DLC1: variants seen among roughly 807,000 people sequenced by gnomAD.
DLC1 encodes the protein DLC1 Rho GTPase activating protein, also known as rho GTPase-activating protein 7.
Under a neutral mutation model 140.3 loss-of-function variants are expected in DLC1, and 54 were observed. That is an observed-to-expected ratio of 0.38 (90% CI 0.31 to 0.48). The LOEUF is 0.48. Among genes scored for constraint, DLC1 ranks in the 20% least tolerant of loss-of-function variants. DLC1 has a pLI of 0.96. For missense variants in DLC1, 2,536 were observed against 1,907.0 expected, an observed-to-expected ratio of 1.33 and a Z score of -6.14; for synonymous variants, 986 against 728.1, an observed-to-expected ratio of 1.35 and a Z score of -5.70.
At chr8:13,227,070 A>G (rs1406667257) in intron 5 of DLC1, among the ~76,000 whole-genome samples, 1 of 152,098 alleles carries the variant, frequency 6.6e-6, no homozygotes. Context: ...CTGACCACTG[A>G]GCTTATTCTG....
chr8:13,128,696 T>G (rs758658908), intron 5 of DLC1, among the ~76,000 whole-genome samples: 47 of 152,154 alleles, frequency 3.1e-4, no homozygotes, highest in Non-Finnish European at 6.2e-4. Context: ...AGCTGGGCAT[T>G]GTGGCGGCGC....
At position 13,425,554 on chromosome 8, in the gene DLC1, T is replaced by C. The variant is rs1838533749; in HGVS notation, c.1024-23935A>G. ...AAATCCCTGGGAGGCAGAGAGACTG[T>C]ATTTGGCAGAAGGGGAGAGGGATGT... On this transcript the variant is annotated intron_variant, in intron 2 of 17. Coordinates refer to ENST00000276297, the MANE Select transcript of DLC1 (RefSeq NM_182643.3). Among the ~76,000 whole-genome samples the C allele has an allele frequency of 2.0e-5, 3 of 152,144 alleles. No homozygotes were observed. The South Asian group carries it at 6.2e-4, about 32-fold the overall frequency.
At chr8:13,186,581 C>T (rs536297271) in intron 5 of DLC1, among the ~76,000 whole-genome samples, 1 of 152,234 alleles carries the variant, frequency 6.6e-6, no homozygotes, top group South Asian at 2.1e-4. Flanking sequence ...AGTTTCCTTG[C>T]AATGGGTTTG....
Position 13,539,626 on chromosome 8 carries a change from C to A in DLC1, c.-125-39430G>T, listed in dbSNP as rs117031939. ...AGGAGCTTCTGTCCCTCACCAGCAA[C>A]TGATGTCAGGAGTTGCCCAGGGAAA... On this transcript the variant is annotated intron_variant, in intron 1 of 1. Transcript: ENST00000631382. Among the ~76,000 whole-genome samples, 115 of 152,230 alleles carry A rather than the reference C, an allele frequency of 7.6e-4. 1 individual carries two copies. In the East Asian group the frequency reaches 0.017, roughly 22 times the overall value.
intron 5 of DLC1, among the ~76,000 whole-genome samples, chr8:13,222,657 T>G (rs779188510): frequency 1.3e-4 from 20 of 152,168 alleles, no homozygotes; most frequent in Non-Finnish European, 7.3e-5. Context: ...CATGTGATAC[T>G]CCATCCTCTT....
intron 5 of DLC1, among the ~76,000 whole-genome samples, chr8:13,126,368 TACACACACACAC>T (rs3065349): frequency 2.7e-5 from 4 of 145,494 alleles, no homozygotes; most frequent in East Asian, 2.0e-4. Context: ...TCTCTATCCA[TACACACACACAC>T]ACACACACAC....
chr8:13,508,095 C>T (rs184734455), intron 1 of DLC1, among the ~76,000 whole-genome samples: 78 of 152,280 alleles, frequency 5.1e-4, no homozygotes, highest in Middle Eastern at 3.4e-3. Flanking sequence ...AAACTGCAAG[C>T]TATTATTTCA....
At chr8:13,158,558 G>C (rs1244100911) in intron 5 of DLC1, among the ~76,000 whole-genome samples, 1 of 152,022 alleles carries the variant, frequency 6.6e-6, no homozygotes, top group African/African-American at 2.4e-5. Flanking sequence ...GTTCTTCCTC[G>C]GGTCAAACAG....
intron 1 of DLC1, chr8:13,584,162 G>C (rs946314125): frequency 3.9e-5 from 6 of 153,552 alleles, no homozygotes; most frequent in African/African-American, 1.4e-4. Context: ...GGGCCATTCT[G>C]GGTCTGCTGG....
At chr8:13,600,316 C>T (rs1805833042) in intron 1 of DLC1, among the ~76,000 whole-genome samples, 1 of 151,740 alleles carries the variant, frequency 6.6e-6, no homozygotes, top group South Asian at 2.1e-4. Flanking sequence ...TAAGAAGAGA[C>T]CAGTTAATGA....
At chr8:13,517,557 T>C (rs745903177), upstream of DLC1, among the ~76,000 whole-genome samples, 2 of 152,208 alleles carry the variant, frequency 1.3e-5, no homozygotes, top group Non-Finnish European at 2.9e-5. Context: ...TTACCAAATA[T>C]GAGTGTAAAG....
chr8:13,341,841 A>G (rs1671347), intron 4 of DLC1: 131,353 of 152,106 alleles, frequency 0.86, 57,917 homozygotes, highest in East Asian at 0.98. Flanking sequence ...GCCAAAGTGT[A>G]GGCGATAAAA....
chr8:13,121,804 C>T (rs955638584), intron 5 of DLC1, among the ~76,000 whole-genome samples: 9 of 152,194 alleles, frequency 5.9e-5, no homozygotes, highest in South Asian at 2.1e-4. Context: ...CCTCCTGCCT[C>T]GGCCTCCCAA....
chr8:13,087,169 G>T (rs188812477), intron 16 of DLC1, among the ~76,000 whole-genome samples: 1 of 152,186 alleles, frequency 6.6e-6, no homozygotes, highest in Non-Finnish European at 1.5e-5. Context: ...GGGAGGTTGA[G>T]GTAGGAGGAT....
intron 1 of DLC1, among the ~76,000 whole-genome samples, chr8:13,522,894 C>T (rs1416733979): frequency 6.6e-6 from 1 of 151,848 alleles, no homozygotes; most frequent in Non-Finnish European, 1.5e-5. Flanking sequence ...TCACAGAGTT[C>T]CAGGTAGAAT....
intron 1 of DLC1, among the ~76,000 whole-genome samples, chr8:13,527,908 G>T (rs1424114137): frequency 6.6e-6 from 1 of 151,984 alleles, no homozygotes; most frequent in East Asian, 1.9e-4. Flanking sequence ...GCCACTTTAA[G>T]CATTATCCAG....
intron 5 of DLC1, among the ~76,000 whole-genome samples, chr8:13,195,518 A>G (rs945694203): frequency 4.6e-5 from 7 of 152,176 alleles, no homozygotes; most frequent in Non-Finnish European, 8.8e-5. Context: ...GGAAATGAGG[A>G]TGCTTAATTT....
chr8:13,201,202 C>G (rs930375780), intron 5 of DLC1, among the ~76,000 whole-genome samples: 1 of 151,470 alleles, frequency 6.6e-6, no homozygotes, highest in Non-Finnish European at 1.5e-5. Flanking sequence ...TTTTGGGAAT[C>G]TTTCAGAGTT....
intron 16 of DLC1, 140 bp downstream of exon 16, chr8:13,088,347 G>A (rs1470794574): frequency 4.0e-6 from 4 of 990,488 alleles, no homozygotes; most frequent in Non-Finnish European, 5.9e-6. Flanking sequence ...CTCCCAGAGT[G>A]CTGGGATTAC....
Sources: gnomAD v4.1 joint callset for allele counts (sites outside exome capture counted in the v4.1 genomes callset) on GRCh38, gnomAD v4.1.1 for gene constraint, MANE v1.5 for transcripts, NCBI Gene and HGNC (gene_info 2026-07-23, HGNC 2026-07-21) for gene names.